RALYL: variants seen among roughly 807,000 people sequenced by gnomAD.
RALYL encodes the protein RNA-binding Raly-like protein.
A neutral mutation model predicts 35.1 loss-of-function variants in RALYL; 29 were observed. The observed-to-expected ratio is 0.83, with a 90% confidence interval of 0.61 to 1.13. The LOEUF is 1.13. Ranked by LOEUF, RALYL falls within the 50% of genes most tolerant of loss-of-function variation. RALYL has a pLI of 0.00. For synonymous variants in RALYL, 120 were observed against 127.6 expected (o/e 0.94, Z 0.40); for missense variants, 359 against 360.4 (o/e 1.00, Z 0.03).
chr8:84,737,173 C>A (rs995726969), intron 2 of RALYL, among the ~76,000 whole-genome samples: 1 of 152,006 alleles, frequency 6.6e-6, no homozygotes, highest in Non-Finnish European at 1.5e-5. Context: ...GTCTAAATCA[C>A]CACACTTTTA....
At chr8:84,631,867 A>G (rs1389977578) in intron 2 of RALYL, among the ~76,000 whole-genome samples, 1 of 152,020 alleles carries the variant, frequency 6.6e-6, no homozygotes, top group Non-Finnish European at 1.5e-5. Flanking sequence ...ACTGTTACTT[A>G]AAGGTGAAGA....
At chr8:84,242,921 A>G (rs1828276312) in intron 1 of RALYL, among the ~76,000 whole-genome samples, 1 of 152,102 alleles carries the variant, frequency 6.6e-6, no homozygotes, top group Admixed American at 6.5e-5. Context: ...TGCCTGTGCT[A>G]TGTTCTGAAT....
At chr8:84,895,166 C>T (rs1019190168) in intron 8 of RALYL, among the ~76,000 whole-genome samples, 7 of 152,192 alleles carry the variant, frequency 4.6e-5, no homozygotes, top group Non-Finnish European at 8.8e-5. Flanking sequence ...CAAAGACCTT[C>T]GTCTTGAACT....
At chr8:84,620,563 T>C (rs1212709094) in intron 2 of RALYL, among the ~76,000 whole-genome samples, 2 of 152,184 alleles carry the variant, frequency 1.3e-5, no homozygotes, top group Non-Finnish European at 2.9e-5. Flanking sequence ...CTCAGAGTAA[T>C]TTGATCATCT....
In RALYL at chr8:84,752,217, G is replaced by A. The variant is rs150851894; in HGVS notation, c.257-22362G>A. On this transcript the variant is annotated intron_variant, in intron 2 of 8. Transcript: ENST00000521268. Reference sequence around the variant, plus strand: ...AAGAATCTGGCAGCATTGTGCTCCTGCTCTAGGGATCTGCGGAACTTTGAA... The same window carrying A: ...AAGAATCTGGCAGCATTGTGCTCCTACTCTAGGGATCTGCGGAACTTTGAA... Among the ~76,000 whole-genome samples the A allele has an allele frequency of 7.2e-3, 1,094 of 152,300 alleles. 17 individuals are homozygous for A. The highest frequency in any genetic ancestry group is 0.024 in the African/African-American group (998 of 41,564).
chr8:84,839,312 G>A (rs1832693485), intron 4 of RALYL, among the ~76,000 whole-genome samples: 1 of 152,242 alleles, frequency 6.6e-6, no homozygotes, highest in African/African-American at 2.4e-5. Context: ...CGGCACATCA[G>A]GAGATTATAT....
At chr8:84,818,411 T>C (rs114603905) in intron 4 of RALYL, among the ~76,000 whole-genome samples, 6,739 of 152,140 alleles carry the variant, frequency 0.044, 479 homozygotes, top group African/African-American at 0.15. Flanking sequence ...AAGACAAAAG[T>C]AGGACCTGAG....
intron 2 of RALYL, among the ~76,000 whole-genome samples, chr8:84,697,728 T>C (rs899476154): frequency 6.6e-6 from 1 of 152,064 alleles, no homozygotes; most frequent in South Asian, 2.1e-4. Flanking sequence ...TTTCTGATTT[T>C]CTCTCTTCTC....
chr8:84,597,587 G>T lies in RALYL; in HGVS notation c.256+68010G>T, dbSNP rs536472000. Among the ~76,000 whole-genome samples, 8 of 152,126 alleles carry T rather than the reference G, an allele frequency of 5.3e-5. No homozygotes were observed. The South Asian group carries it at 6.2e-4, about 12-fold the overall frequency. On this transcript the variant is annotated intron_variant, in intron 2 of 8. Transcript: ENST00000521268. The stretch of plus-strand genomic sequence containing the variant: ...ACCCTAATGATGTATCTAAAGTAGG[G>T]ATCAGCAAACTATAGCTTACAGGAC...
chr8:84,814,698 G>T (rs1390428418), intron 4 of RALYL, among the ~76,000 whole-genome samples: 1 of 152,160 alleles, frequency 6.6e-6, no homozygotes, highest in Non-Finnish European at 1.5e-5. Flanking sequence ...GTTGTGAAAA[G>T]AAGTTGAGTG....
chr8:84,818,575 A>C (rs546917931), intron 4 of RALYL, among the ~76,000 whole-genome samples: 1 of 152,190 alleles, frequency 6.6e-6, no homozygotes, highest in Non-Finnish European at 1.5e-5. Context: ...AAAAGACAAA[A>C]GATAAGATTG....
chr8:84,687,094 C>T (rs569783761), intron 2 of RALYL, among the ~76,000 whole-genome samples: 19 of 152,232 alleles, frequency 1.2e-4, no homozygotes, highest in Non-Finnish European at 2.1e-4. Context: ...TGATATATTA[C>T]AAACTTGATG....
At chr8:84,383,712 T>G (rs1452187826) in intron 1 of RALYL, among the ~76,000 whole-genome samples, 2 of 150,012 alleles carry the variant, frequency 1.3e-5, no homozygotes, top group Middle Eastern at 3.2e-3. Context: ...AAGATCTGGG[T>G]TAAGGTTGGG....
rs149074269 is a variant in RALYL at position 84,237,399 on chromosome 8, C to T, written c.-24+52975C>T. Among the ~76,000 whole-genome samples the T allele has an allele frequency of 9.9e-4, 151 of 151,996 alleles. 1 individual carries two copies. The highest frequency in any genetic ancestry group is 3.4e-3 in the African/African-American group (139 of 41,472). ...CAGTCTTGGGTATGCACTGCCTCAG[C>T]GGGAGATTCTCTTAGAGGCTGAGAG... On this transcript the variant is annotated intron_variant, in intron 1 of 8. Coordinates refer to ENST00000521268, the MANE Select transcript of RALYL (RefSeq NM_173848.7).
chr8:84,266,860 T>C (rs1400374437), intron 1 of RALYL, among the ~76,000 whole-genome samples: 1 of 148,050 alleles, frequency 6.8e-6, no homozygotes, highest in Non-Finnish European at 1.5e-5. Flanking sequence ...CTCGGGAGGC[T>C]GAGGCAGGAG....
chr8:84,392,730 C>T (rs1332984413), intron 1 of RALYL, among the ~76,000 whole-genome samples: 3 of 151,934 alleles, frequency 2.0e-5, no homozygotes, highest in Non-Finnish European at 4.4e-5. Context: ...CAATGGTATA[C>T]TTACACAATG....
In RALYL at chr8:84,529,499, G is replaced by T. The variant is rs1265848095; in HGVS notation, c.178G>T (p.Val60Leu). ...GCSVHKGYAF[V>L]QYMSERHARA... ...TTCCGTTCACAAAGGTTATGCATTT[G>T]TACAGTACATGAGTGAGCGACATGC... Residue 60 changes from valine to leucine, a missense_variant, in exon 2 of 9, where the codon GTA (valine) becomes TTA (leucine). By Grantham distance (32) the Val-to-Leu change is conservative. Transcript: ENST00000521268. 6.2e-7 allele frequency: 1 copy of T among 1,613,734 alleles called. No individual in the cohort carries two copies. The highest frequency in any genetic ancestry group is 8.5e-7 in the Non-Finnish European group (1 of 1,179,850).
chr8:84,710,910 A>G (rs1226273937), intron 2 of RALYL, among the ~76,000 whole-genome samples: 6 of 152,188 alleles, frequency 3.9e-5, no homozygotes, highest in African/African-American at 7.2e-5. Context: ...ATAAATATGT[A>G]ATATGCTATG....
intron 3 of RALYL, among the ~76,000 whole-genome samples, chr8:84,803,667 A>C (rs771756834): frequency 6.6e-6 from 1 of 152,162 alleles, no homozygotes; most frequent in Non-Finnish European, 1.5e-5. Flanking sequence ...TGCCATTATG[A>C]TTCACCCAAA....
Sources: allele counts gnomAD v4.1 joint callset (sites outside exome capture counted in the v4.1 genomes callset), GRCh38; gene constraint gnomAD v4.1.1; transcripts MANE v1.5; gene names NCBI Gene and HGNC (gene_info 2026-07-23, HGNC 2026-07-21).